The following EYS variants were observed in gnomAD, a reference collection of about 807,000 sequenced individuals.
The protein encoded by EYS is EGF-like photoreceptor maintenance factor.
In EYS, 250 loss-of-function variants were observed where a neutral mutation model predicts 282.1. The ratio of observed to expected loss-of-function variants is 0.89; its 90% CI spans 0.80 to 0.98. The LOEUF (loss-of-function observed/expected upper bound fraction) is 0.98. EYS is among the 50% of genes least tolerant of loss of function. EYS has a pLI of 0.00. For synonymous variants in EYS, 1,355 were observed against 1,282.9 expected (o/e 1.06, Z -1.20); for missense variants, 4,016 against 3,709.0 (o/e 1.08, Z -2.15).
intron 5 of EYS, among the ~76,000 whole-genome samples, chr6:65,435,614 T>C (rs1339596024): frequency 1.3e-5 from 2 of 152,096 alleles, no homozygotes; most frequent in East Asian, 1.9e-4. Context: ...TACAAGTGCA[T>C]GTGAATCTAC....
intron 12 of EYS, among the ~76,000 whole-genome samples, chr6:65,063,286 T>C (rs1028343867): frequency 6.6e-6 from 1 of 152,032 alleles, no homozygotes; most frequent in Admixed American, 6.6e-5. Context: ...CTGAACTTGT[T>C]TGATCACCAT....
chr6:65,175,874 CTTAG>C (rs1180476489), intron 12 of EYS, among the ~76,000 whole-genome samples: 1 of 151,472 alleles, frequency 6.6e-6, no homozygotes, highest in Non-Finnish European at 1.5e-5. Flanking sequence ...CATAGGTATG[CTTAG>C]TTAGTTGTGC....
At chr6:65,681,742 A>G (rs1377560238) in intron 1 of EYS, among the ~76,000 whole-genome samples, 1 of 151,912 alleles carries the variant, frequency 6.6e-6, no homozygotes, top group Non-Finnish European at 1.5e-5. Context: ...AGTAAATGCT[A>G]AACAGATTTC....
chr6:63,930,012 TACCG>T (rs1181651655), intron 35 of EYS, among the ~76,000 whole-genome samples: 7 of 152,218 alleles, frequency 4.6e-5, no homozygotes, highest in African/African-American at 1.7e-4. Context: ...CTTGACTTCC[TACCG>T]TGTGAGATTA....
At chr6:65,271,115 C>A (rs1162664701) in intron 12 of EYS, among the ~76,000 whole-genome samples, 4 of 27,938 alleles carry the variant, frequency 1.4e-4, no homozygotes, top group African/African-American at 3.4e-4. Context: ...TCCAGAGAAA[C>A]AGAATCAATA....
At position 64,604,061 on chromosome 6, in the gene EYS, G is replaced by GA. The variant is rs1241984001; in HGVS notation, c.3685-10753dup. Among the ~76,000 whole-genome samples, 4 of 151,818 alleles carry GA rather than the reference G, an allele frequency of 2.6e-5. No individual in the cohort carries two copies. In the East Asian group the frequency reaches 5.8e-4, roughly 22 times the overall value. ...TTCTCTCTTTTTTTATTTTTGGGTG[G>GA]AACATGTTCCATCAAATTTATGTGC... On this transcript the variant is annotated intron_variant, in intron 24 of 42. Coordinates refer to ENST00000503581, the MANE Select transcript of EYS (RefSeq NM_001142800.2).
intron 22 of EYS, among the ~76,000 whole-genome samples, chr6:64,644,676 T>A (rs1371337354): frequency 6.6e-6 from 1 of 152,188 alleles, no homozygotes; most frequent in Admixed American, 6.5e-5. Context: ...AAATTATATA[T>A]GCATGGAAAA....
chr6:65,608,471 C>G (rs1292112154), intron 2 of EYS, among the ~76,000 whole-genome samples: 1 of 151,978 alleles, frequency 6.6e-6, no homozygotes. Context: ...TTCACAAACA[C>G]TGTACACTTT....
intron 11 of EYS, chr6:65,329,456 C>G (rs1769716593): frequency 1.0e-6 from 1 of 953,276 alleles, no homozygotes; most frequent in African/African-American, 1.8e-5. Context: ...GAAAATATAT[C>G]AGTGTATGTA....
chr6:64,575,228 T>C (rs1316828769), intron 26 of EYS, among the ~76,000 whole-genome samples: 1 of 152,162 alleles, frequency 6.6e-6, no homozygotes, highest in Non-Finnish European at 1.5e-5. Context: ...TGAATTTTCA[T>C]GTCTTGTTTC....
chr6:64,494,570 T>C (rs191528514), intron 26 of EYS, among the ~76,000 whole-genome samples: 1,691 of 151,770 alleles, frequency 0.011, 29 homozygotes, highest in East Asian at 0.082. Flanking sequence ...GTTCAATGGA[T>C]TAATGAGTGA....
At chr6:64,873,400 G>A (rs1766653332) in intron 19 of EYS, among the ~76,000 whole-genome samples, 1 of 151,996 alleles carries the variant, frequency 6.6e-6, no homozygotes, top group Non-Finnish European at 1.5e-5. Context: ...ATATCAAGCA[G>A]TGAAATTAAT....
rs147691539 is a variant in EYS at position 65,361,488 on chromosome 6, C to CTTT, written c.1300-7872_1300-7871insAAA. Among the ~76,000 whole-genome samples, 292 of 146,828 alleles carry CTTT rather than the reference C, an allele frequency of 2.0e-3. 2 individuals are homozygous for CTTT. Among genetic ancestry groups the CTTT allele is most frequent in the South Asian group, 3.6e-3 (17 of 4,688 alleles). ...TCCTTCCTTCTTTCGTTCGTTCGTTCCTTTTTTTTTTGGTCTGTGTCTCTC... is the reference window on the plus strand; with the variant it reads ...TCCTTCCTTCTTTCGTTCGTTCGTTCTTTCTTTTTTTTTTGGTCTGTGTCTCTC... On this transcript the variant is annotated intron_variant, in intron 8 of 42. Transcript: ENST00000503581.
Position 63,806,229 on chromosome 6 carries a change from G to T in EYS, c.7372C>A (p.Gln2458Lys). 1 of 1,551,498 alleles carries T rather than the reference G, an allele frequency of 6.4e-7. No individual in the cohort carries two copies. Residue 2458 changes from glutamine (Q) to lysine (K), a missense_variant, in exon 37 of 43, where the codon CAA becomes AAA. Gln to Lys is a moderately conservative substitution (Grantham distance 53, BLOSUM62 1). Transcript: ENST00000503581. Reference sequence around the variant, plus strand: ...CCAGTAAAAAATATCAAGTTATTTTGCAGTGCTGAGTGGTTGTTTGCCAGC... The same window carrying T: ...CCAGTAAAAAATATCAAGTTATTTTTCAGTGCTGAGTGGTTGTTTGCCAGC... The part of the protein sequence containing the change: ...FQLANNHSAL[Q>K]NNLIFFTGQK...
At chr6:65,345,989 T>A (rs533225386) in intron 9 of EYS, among the ~76,000 whole-genome samples, 130 of 151,518 alleles carry the variant, frequency 8.6e-4, no homozygotes, top group Non-Finnish European at 1.7e-3. Context: ...ACACTGAGAG[T>A]CTCTCTCCCA....
intron 22 of EYS, among the ~76,000 whole-genome samples, chr6:64,754,421 T>A (rs1772865317): frequency 6.6e-6 from 1 of 152,102 alleles, no homozygotes; most frequent in Non-Finnish European, 1.5e-5. Flanking sequence ...AAGGAGAATT[T>A]GGACTGATCC....
chr6:64,459,315 A>C (rs1335339007), intron 26 of EYS, among the ~76,000 whole-genome samples: 1 of 152,234 alleles, frequency 6.6e-6, no homozygotes, highest in Non-Finnish European at 1.5e-5. Context: ...TAATGTGATG[A>C]GAAAATGTAT....
At chr6:65,038,125 C>T (rs1233909675) in intron 13 of EYS, among the ~76,000 whole-genome samples, 3 of 151,488 alleles carry the variant, frequency 2.0e-5, no homozygotes, top group Admixed American at 6.6e-5. Flanking sequence ...ATTTATCATC[C>T]TGTTCTTAGC....
At chr6:64,391,356 T>A (rs111691104) in intron 28 of EYS, among the ~76,000 whole-genome samples, 7,418 of 151,820 alleles carry the variant, frequency 0.049, 280 homozygotes, top group Non-Finnish European at 0.078. Flanking sequence ...AAGGAAAAAA[T>A]GTTAAGGGCA....
Sources: gnomAD v4.1 joint callset for allele counts (sites outside exome capture counted in the v4.1 genomes callset) on GRCh38, gnomAD v4.1.1 for gene constraint, MANE v1.5 for transcripts, NCBI Gene and HGNC (gene_info 2026-07-23, HGNC 2026-07-21) for gene names.